TARS3: variants seen among roughly 807,000 people sequenced by gnomAD.
TARS3 encodes threonine--tRNA ligase 2, cytoplasmic.
Under a neutral mutation model 103.5 loss-of-function variants are expected in TARS3, and 94 were observed. The observed-to-expected ratio is 0.91, with a 90% CI of 0.77 to 1.08. TARS3 has a LOEUF of 1.08. TARS3 is among the 50% of genes least tolerant of loss of function. The pLI, the probability that TARS3 is intolerant of heterozygous loss-of-function variation, is 0.00. For missense variants in TARS3, 952 were observed against 995.2 expected (o/e 0.96, Z 0.58); for synonymous variants, 416 against 355.4 (o/e 1.17, Z -1.92).
At chr15:101,712,594 A>T (rs1899922772) in intron 4 of TARS3, among the ~76,000 whole-genome samples, 1 of 152,146 alleles carries the variant, frequency 6.6e-6, no homozygotes, top group Non-Finnish European at 1.5e-5. Context: ...GACGCCTGAG[A>T]AGTGTATATA....
chr15:101,704,880 C>T (rs1462832798), intron 7 of TARS3, among the ~76,000 whole-genome samples: 3 of 151,936 alleles, frequency 2.0e-5, no homozygotes, highest in African/African-American at 7.3e-5. Flanking sequence ...ATGCACCGTG[C>T]ATAGCTTTGC....
intron 2 of TARS3, among the ~76,000 whole-genome samples, chr15:101,721,633 T>C (rs1173886845): frequency 1.3e-5 from 2 of 152,210 alleles, no homozygotes; most frequent in East Asian, 3.9e-4. Context: ...TAGCTGGGAT[T>C]ACAGGCACGC....
At chr15:101,656,127 G>C (rs1424406762) in intron 18 of TARS3, 1 of 1,118,294 alleles carries the variant, frequency 8.9e-7, no homozygotes, top group Non-Finnish European at 1.2e-6. Context: ...TTGAGCTCCT[G>C]ATTGCTCTTC....
intron 3 of TARS3, among the ~76,000 whole-genome samples, chr15:101,717,724 G>T (rs542235332): frequency 1.3e-5 from 2 of 152,332 alleles, no homozygotes; most frequent in Admixed American, 6.5e-5. Context: ...GGAGAAATCT[G>T]GGTCCCCAAA....
chr15:101,691,543 G>A (rs908927215), intron 10 of TARS3, among the ~76,000 whole-genome samples: 5 of 152,156 alleles, frequency 3.3e-5, no homozygotes, highest in Non-Finnish European at 2.9e-5. Flanking sequence ...GCCTCCCAAA[G>A]TGCTGGGATT....
chr15:101,658,510 A>ACC (rs1380433279), intron 16 of TARS3, among the ~76,000 whole-genome samples: 1 of 152,088 alleles, frequency 6.6e-6, no homozygotes, highest in Non-Finnish European at 1.5e-5. Context: ...GTCAGATAGG[A>ACC]GGACAGGGTG....
chr15:101,653,715 C>T lies in TARS3; in HGVS notation c.*867G>A, dbSNP rs1159558126. ...CTTACATTTCTTTTGAATTTCACAG[C>T]ATATCGCAAAATAAACAATACTTCT... On this transcript the variant is annotated 3_prime_UTR_variant, in exon 19 of 19. Coordinates refer to ENST00000335968, the MANE Select transcript of TARS3 (RefSeq NM_152334.3). The T allele has an allele frequency of 6.6e-6, 1 of 152,202 alleles. No homozygotes were observed. The highest frequency in any genetic ancestry group is 2.4e-5 in the African/African-American group (1 of 41,464). The allele number at this position is 152,202 out of a possible 1,614,324, so 9.4% of individuals were successfully genotyped here.
chr15:101,703,442 T>A (rs1899383169), intron 8 of TARS3, among the ~76,000 whole-genome samples: 1 of 151,880 alleles, frequency 6.6e-6, no homozygotes, highest in Admixed American at 6.6e-5. Flanking sequence ...ATAGAAAAAT[T>A]AGCCGGGTGG....
At chr15:101,671,788 A>T (rs771366531) in intron 13 of TARS3, 40 bp from the exon 14 acceptor site, 1 of 1,543,312 alleles carries the variant, frequency 6.5e-7, no homozygotes, top group East Asian at 2.3e-5. Context: ...TATACACTGT[A>T]TCTTTTTTTT....
At chr15:101,716,406 G>GT (rs1437792641) in intron 3 of TARS3, among the ~76,000 whole-genome samples, 2 of 151,732 alleles carry the variant, frequency 1.3e-5, no homozygotes, top group East Asian at 3.9e-4. Flanking sequence ...TACCATTGAT[G>GT]TTTTGTTTAT....
rs961283498 is a variant in TARS3 at position 101,655,141 on chromosome 15, C to G, written c.2261-411G>C. Among the ~76,000 whole-genome samples the G allele has an allele frequency of 7.0e-5, 9 of 127,930 alleles. No individual in the cohort carries two copies. The East Asian group carries it at 1.4e-3, about 20-fold the overall frequency. The allele number at this position is 127,930 out of a possible 152,430, so 83.9% of individuals were successfully genotyped here. ...CCTGGCACTAGGGTGCAAATGAGAG[C>G]GGGGAGCTCTTACAGGCTCACACTG... is the stretch of plus-strand genomic sequence containing the variant. On this transcript the variant is annotated intron_variant, in intron 18 of 18. Coordinates refer to ENST00000335968, the MANE Select transcript of TARS3 (RefSeq NM_152334.3).
At position 101,724,331 on chromosome 15, in the gene TARS3, C is replaced by T; in HGVS notation, c.57G>A (p.Glu19=). 2 of 1,557,648 alleles carry T rather than the reference C, an allele frequency of 1.3e-6. No homozygotes were observed. The highest frequency in any genetic ancestry group is 1.7e-6 in the Non-Finnish European group (2 of 1,158,882). Residue 19 remains glutamate, a synonymous_variant, in exon 1 of 19, where the codon GAG becomes GAA. Transcript: ENST00000335968. ...EAVASRLERQ[E]EDIRWLWSEV... ...CCGACCACAGCCAGCGGATGTCCTC[C>T]TCCTGCCGCTCCAGGCGCGACGCCA...
At chr15:101,707,634 G>A (rs1210991142) in intron 6 of TARS3, among the ~76,000 whole-genome samples, 1 of 152,102 alleles carries the variant, frequency 6.6e-6, no homozygotes, top group Non-Finnish European at 1.5e-5. Context: ...CTGATATGAA[G>A]TGCCTGGAGG....
chr15:101,672,677 G>A (rs1326200759), intron 13 of TARS3, among the ~76,000 whole-genome samples: 2 of 152,114 alleles, frequency 1.3e-5, no homozygotes, highest in African/African-American at 2.4e-5. Flanking sequence ...TGAGAGAGAC[G>A]GAGATTTTTT....
intron 9 of TARS3, 105 bp downstream of exon 9, chr15:101,702,134 G>C: frequency 7.2e-7 from 1 of 1,393,152 alleles, no homozygotes; most frequent in East Asian, 2.3e-5. Flanking sequence ...AAATAGGAGA[G>C]AAGAAGAAGA....
At chr15:101,677,718 GA>G (rs1465584253) in intron 12 of TARS3, among the ~76,000 whole-genome samples, 4 of 150,798 alleles carry the variant, frequency 2.7e-5, no homozygotes, top group African/African-American at 9.8e-5. Flanking sequence ...GTCTAGTCTC[GA>G]ACTCCCAACC....
intron 12 of TARS3, among the ~76,000 whole-genome samples, chr15:101,678,969 T>C (rs1044683343): frequency 3.9e-5 from 6 of 152,222 alleles, no homozygotes; most frequent in African/African-American, 1.4e-4. Flanking sequence ...CACTTCCTTC[T>C]GGCCTCCAGG....
intron 13 of TARS3, 51 bp downstream of exon 13, chr15:101,675,549 G>A (rs1474719529): frequency 6.4e-7 from 1 of 1,563,356 alleles, no homozygotes; most frequent in East Asian, 2.3e-5. Context: ...AGCCTCTCAG[G>A]TGTCTTCCAT....
In TARS3 at chr15:101,675,719, C is replaced by G; in HGVS notation, c.1669G>C (p.Gly557Arg). ...TVEQIEEEIK[G>R]CLQFLQSVYS... is the part of the protein sequence containing the mutation. ...ACAGATTGCAAAAACTGCAAACACCCCTTTATTTCTTCTTCAATCTGAAAT... is the reference window on the plus strand; with the variant it reads ...ACAGATTGCAAAAACTGCAAACACCGCTTTATTTCTTCTTCAATCTGAAAT... The change falls in exon 13 of 19, where the codon GGG (glycine) becomes CGG (arginine). Residue 557 changes from glycine to arginine, a missense_variant. Around this residue, in one of 2 missense-constraint regions of TARS3, gnomAD observed 540 missense variants for 631.0 expected, o/e 0.86. Coordinates refer to ENST00000335968, the MANE Select transcript of TARS3 (RefSeq NM_152334.3). 2 of 1,610,366 alleles carry G rather than the reference C, an allele frequency of 1.2e-6. No homozygotes were observed. The highest frequency in any genetic ancestry group is 1.7e-6 in the Non-Finnish European group (2 of 1,179,178).
Sources: allele counts gnomAD v4.1 joint callset (sites outside exome capture counted in the v4.1 genomes callset), GRCh38; gene constraint gnomAD v4.1.1; regional missense constraint gnomAD v4.1.1; transcripts MANE v1.5; gene names NCBI Gene and HGNC (gene_info 2026-07-23, HGNC 2026-07-21).